The following DLGAP1 variants were observed in gnomAD, a reference collection of about 807,000 sequenced individuals.
DLGAP1 encodes the protein DLG associated protein 1.
DLGAP1 carries 11 observed loss-of-function variants against 90.8 expected under a neutral mutation model. That is an observed-to-expected ratio of 0.12 (90% CI 0.08 to 0.20). The LOEUF (loss-of-function observed/expected upper bound fraction) is 0.20. Ranked by LOEUF, DLGAP1 falls within the 10% of genes least tolerant of loss-of-function variation. The probability of loss-of-function intolerance (pLI) is 1.00; values close to 1 mark genes in which losing one functional copy is unlikely to be tolerated. For synonymous variants in DLGAP1, 558 were observed against 540.7 expected (o/e 1.03, Z -0.44); for missense variants, 1,050 against 1,333.8 (o/e 0.79, Z 3.31).
chr18:3,506,513 C>CAAAAAAA (rs11316330), intron 11 of DLGAP1, among the ~76,000 whole-genome samples: 4 of 69,626 alleles, frequency 5.7e-5, no homozygotes, highest in Non-Finnish European at 1.0e-4. Context: ...GACTCCGTCT[C>CAAAAAAA]AAAAAAAAAA....
At chr18:3,823,611 C>A (rs536796348) in intron 4 of DLGAP1, among the ~76,000 whole-genome samples, 26 of 152,160 alleles carry the variant, frequency 1.7e-4, no homozygotes, top group African/African-American at 5.8e-4. Flanking sequence ...TTCTATTAAA[C>A]CTAAAATTCA....
At chr18:4,439,137 G>A (rs930189568) in intron 1 of DLGAP1, among the ~76,000 whole-genome samples, 1 of 152,118 alleles carries the variant, frequency 6.6e-6, no homozygotes, top group Non-Finnish European at 1.5e-5. Flanking sequence ...ACAGCACCCC[G>A]TGGCCTCTCA....
At chr18:3,760,034 C>T (rs1396028446) in intron 5 of DLGAP1, among the ~76,000 whole-genome samples, 1 of 152,222 alleles carries the variant, frequency 6.6e-6, no homozygotes, top group African/African-American at 2.4e-5. Context: ...CTCTGCTGGT[C>T]AGTTTCTTCA....
At chr18:3,998,513 TG>T (rs2074115232) in intron 3 of DLGAP1, among the ~76,000 whole-genome samples, 1 of 152,238 alleles carries the variant, frequency 6.6e-6, no homozygotes, top group South Asian at 2.1e-4. Context: ...TCAGGGAGCC[TG>T]TGATTCCTTT....
In DLGAP1 at chr18:4,179,239, C is replaced by T. The variant is rs550812203; in HGVS notation, c.-266-27952G>A. Among the ~76,000 whole-genome samples the T allele has an allele frequency of 5.9e-5, 9 of 152,164 alleles. No individual in the cohort carries two copies. The South Asian group carries it at 6.2e-4, about 11-fold the overall frequency. Reference sequence around the variant, plus strand: ...ATTATGAAACATCAAAATGTCACCACGTGATAAGTGAAAGTCACCATTGTT... The same window carrying T: ...ATTATGAAACATCAAAATGTCACCATGTGATAAGTGAAAGTCACCATTGTT... On this transcript the variant is annotated intron_variant, in intron 1 of 12. Coordinates refer to ENST00000315677, the MANE Select transcript of DLGAP1 (RefSeq NM_004746.4).
At chr18:3,592,379 A>T (rs1309296024) in intron 7 of DLGAP1, among the ~76,000 whole-genome samples, 1 of 152,224 alleles carries the variant, frequency 6.6e-6, no homozygotes, top group African/African-American at 2.4e-5. Flanking sequence ...TGCCAGACAA[A>T]TCAGCGGTCT....
At chr18:3,986,448 G>A (rs1055333130) in intron 3 of DLGAP1, 1 of 150,158 alleles carries the variant, frequency 6.7e-6, no homozygotes, top group African/African-American at 2.5e-5. Context: ...GTCTTGCCAT[G>A]TTGCTCAGGC....
chr18:3,806,759 A>G (rs151310433), intron 5 of DLGAP1, among the ~76,000 whole-genome samples: 7 of 152,322 alleles, frequency 4.6e-5, no homozygotes, highest in African/African-American at 1.7e-4. Flanking sequence ...CACTACCTAA[A>G]GGAAGTGAGG....
At chr18:3,584,734 A>G (rs748741593) in intron 7 of DLGAP1, among the ~76,000 whole-genome samples, 26 of 151,994 alleles carry the variant, frequency 1.7e-4, no homozygotes, top group Non-Finnish European at 2.8e-4. Context: ...ATCTATGTTG[A>G]CTCATGAAAC....
At chr18:3,712,057 C>G (rs2061613148) in intron 7 of DLGAP1, among the ~76,000 whole-genome samples, 1 of 152,120 alleles carries the variant, frequency 6.6e-6, no homozygotes, top group African/African-American at 2.4e-5. Context: ...ATGGGGGGAG[C>G]ATGGCCTGTT....
chr18:4,269,758 T>G (rs1268169637), intron 1 of DLGAP1, among the ~76,000 whole-genome samples: 2 of 152,216 alleles, frequency 1.3e-5, no homozygotes, highest in East Asian at 3.9e-4. Flanking sequence ...AAATGGCCAA[T>G]GATAAGTCTA....
chr18:4,436,992 C>CT (rs2083415190), intron 1 of DLGAP1, among the ~76,000 whole-genome samples: 1 of 152,166 alleles, frequency 6.6e-6, no homozygotes, highest in Admixed American at 6.5e-5. Context: ...GAAGAAATCT[C>CT]TAACAATAGA....
chr18:3,943,113 CAT>C (rs1035115440), intron 3 of DLGAP1, among the ~76,000 whole-genome samples: 1 of 152,152 alleles, frequency 6.6e-6, no homozygotes, highest in Non-Finnish European at 1.5e-5. Context: ...CTCTATTTCA[CAT>C]GTCTTTTCTG....
chr18:3,595,161 G>A (rs1251768415), intron 7 of DLGAP1, among the ~76,000 whole-genome samples: 1 of 152,248 alleles, frequency 6.6e-6, no homozygotes, highest in African/African-American at 2.4e-5. Context: ...CCACGCAGGA[G>A]GAGAGGGCAC....
intron 7 of DLGAP1, chr18:3,598,158 G>A (rs547678022): frequency 6.6e-6 from 1 of 152,282 alleles, no homozygotes; most frequent in South Asian, 2.1e-4. Context: ...AGACCATCCT[G>A]GCCAACCAAC....
chr18:3,890,357 C>T (rs2071428296), intron 3 of DLGAP1, among the ~76,000 whole-genome samples: 1 of 152,244 alleles, frequency 6.6e-6, no homozygotes, highest in Non-Finnish European at 1.5e-5. Flanking sequence ...ACAATCTCTG[C>T]AATCGGCTGT....
intron 10 of DLGAP1, among the ~76,000 whole-genome samples, chr18:3,516,165 T>C (rs1195602690): frequency 1.3e-5 from 2 of 152,230 alleles, no homozygotes; most frequent in African/African-American, 2.4e-5. Flanking sequence ...TTCCCATGAA[T>C]CATAAATGTT....
chr18:3,765,849 CAA>C (rs1389649727), intron 5 of DLGAP1, among the ~76,000 whole-genome samples: 2 of 151,636 alleles, frequency 1.3e-5, no homozygotes, highest in Non-Finnish European at 2.9e-5. Flanking sequence ...GGAAAAAAAA[CAA>C]AGAGATACAC....
At chr18:4,107,584 C>T (rs1392468583) in intron 2 of DLGAP1, among the ~76,000 whole-genome samples, 2 of 152,152 alleles carry the variant, frequency 1.3e-5, no homozygotes, top group African/African-American at 2.4e-5. Context: ...GTGATGGTTG[C>T]GTAGCACTGC....
Sources: allele counts gnomAD v4.1 joint callset (sites outside exome capture counted in the v4.1 genomes callset), GRCh38; gene constraint gnomAD v4.1.1; transcripts MANE v1.5; gene names NCBI Gene and HGNC (gene_info 2026-07-23, HGNC 2026-07-21).